The following BACH1 variants were observed in gnomAD, a reference collection of about 807,000 sequenced individuals.
BACH1 encodes the protein BTB domain and CNC homolog 1.
BACH1 carries 35 observed loss-of-function variants against 52.9 expected under a neutral mutation model. That is an observed-to-expected ratio of 0.66 (90% CI 0.51 to 0.88). The LOEUF (loss-of-function observed/expected upper bound fraction) is 0.88. Ranked by LOEUF, BACH1 falls within the 40% of genes least tolerant of loss-of-function variation. The pLI, the probability that BACH1 is intolerant of heterozygous loss-of-function variation, is 0.00. For synonymous variants in BACH1, 321 were observed against 319.6 expected (o/e 1.00, Z -0.05); for missense variants, 808 against 872.6 (o/e 0.93, Z 0.93).
chr21:29,303,455 T>C (rs1047752099), intron 1 of BACH1, among the ~76,000 whole-genome samples: 1 of 152,262 alleles, frequency 6.6e-6, no homozygotes, highest in Admixed American at 6.5e-5. Context: ...GCGTTCATTC[T>C]AGTTCTGTGA....
At chr21:29,347,482 G>GC (rs1335393074), downstream of BACH1, among the ~76,000 whole-genome samples, 1 of 152,198 alleles carries the variant, frequency 6.6e-6, no homozygotes, top group Non-Finnish European at 1.5e-5. Flanking sequence ...GGTGTTTCTT[G>GC]CCCTGGAGAT....
At chr21:29,351,952 AT>A in intron 2 of BACH1, 1 of 325,880 alleles carries the variant, frequency 3.1e-6, no homozygotes, top group South Asian at 2.6e-5. Flanking sequence ...AATTGCAGAA[AT>A]TTAAGCAATG....
rs2088915547 is a variant in BACH1 at position 29,326,663 on chromosome 21, A to G, written c.839A>G (p.Asp280Gly). 6.2e-7 allele frequency: 1 copy of G among 1,614,214 alleles called. No individual in the cohort carries two copies. Among genetic ancestry groups the G allele is most frequent in the Non-Finnish European group, 8.5e-7 (1 of 1,180,036 alleles). The change falls in exon 3 of 5, where the codon GAC becomes GGC. Residue 280 changes from aspartate to glycine, a missense_variant. Physicochemically the swap from Asp to Gly is moderately conservative, Grantham distance 94. Coordinates refer to ENST00000286800, the MANE Select transcript of BACH1 (RefSeq NM_001186.4). ...CRDLQVMLKC[D>G]ESKLAMEPEE... The stretch of plus-strand genomic sequence containing the variant: ...GATTTGCAGGTGATGTTAAAATGTG[A>G]CGAAAGTAAATTAGCAATGGAACCT...
chr21:29,335,279 T>C (rs569057342), intron 4 of BACH1, among the ~76,000 whole-genome samples: 2 of 152,164 alleles, frequency 1.3e-5, no homozygotes, highest in South Asian at 4.2e-4. Flanking sequence ...CACAGCGGGG[T>C]TGATGCAAGG....
At chr21:29,307,926 T>C (rs901072967) in intron 1 of BACH1, among the ~76,000 whole-genome samples, 9 of 152,208 alleles carry the variant, frequency 5.9e-5, no homozygotes, top group Non-Finnish European at 8.8e-5. Context: ...TCAATGGTTG[T>C]TTCTTTTTGA....
At chr21:29,317,625 G>C (rs910461815) in intron 1 of BACH1, among the ~76,000 whole-genome samples, 4 of 152,194 alleles carry the variant, frequency 2.6e-5, no homozygotes, top group African/African-American at 9.7e-5. Flanking sequence ...ACTTGAGGAC[G>C]TGTTAAGGAT....
At chr21:29,346,937 CAGTG>C (rs2089172590), downstream of BACH1, among the ~76,000 whole-genome samples, 1 of 152,138 alleles carries the variant, frequency 6.6e-6, no homozygotes, top group South Asian at 2.1e-4. Flanking sequence ...GAGGTTGTCA[CAGTG>C]AGAGGGAGAA....
In BACH1 at chr21:29,355,024, G is replaced by A. The variant is rs565949085; in HGVS notation, c.472+25331G>A. Among the ~76,000 whole-genome samples the A allele has an allele frequency of 1.3e-3, 200 of 152,276 alleles. 2 individuals are homozygous for A. The highest frequency in any genetic ancestry group is 3.8e-4 in the Non-Finnish European group (26 of 68,024). The stretch of plus-strand genomic sequence containing the variant: ...TTGCAGCAGCAAGATTTATTGTGAA[G>A]AGTGAAAGAAAAAGCTTCCACAGCA... On this transcript the variant is annotated intron_variant, in intron 2 of 4. Transcript: ENST00000422809.
chr21:29,318,542 C>T (rs1466307166), intron 1 of BACH1, among the ~76,000 whole-genome samples: 2 of 152,156 alleles, frequency 1.3e-5, no homozygotes, highest in Non-Finnish European at 2.9e-5. Flanking sequence ...GGCATCTCGC[C>T]CAGGGGCAGC....
chr21:29,341,120 T>G (rs143897390), intron 4 of BACH1, among the ~76,000 whole-genome samples: 75 of 152,330 alleles, frequency 4.9e-4, no homozygotes, highest in Admixed American at 7.2e-4. Flanking sequence ...AATAATTGGA[T>G]TCATACATAA....
At chr21:29,341,149 G>T (rs1195466421) in intron 4 of BACH1, among the ~76,000 whole-genome samples, 2 of 152,114 alleles carry the variant, frequency 1.3e-5, no homozygotes, top group South Asian at 4.1e-4. Flanking sequence ...TAATACTTTT[G>T]TATAAAACCA....
At chr21:29,323,264 G>A (rs1231990780) in intron 2 of BACH1, among the ~76,000 whole-genome samples, 1 of 152,178 alleles carries the variant, frequency 6.6e-6, no homozygotes, top group Non-Finnish European at 1.5e-5. Flanking sequence ...TTCACAAGGT[G>A]AAGGCCCATT....
chr21:29,332,100 T>A (rs2088990960), intron 4 of BACH1, among the ~76,000 whole-genome samples: 1 of 151,992 alleles, frequency 6.6e-6, no homozygotes, highest in African/African-American at 2.4e-5. Context: ...ACCCAACTAA[T>A]TTTTTGTATT....
intron 1 of BACH1, among the ~76,000 whole-genome samples, chr21:29,317,891 A>G (rs1401203833): frequency 2.6e-5 from 4 of 152,122 alleles, no homozygotes; most frequent in Non-Finnish European, 5.9e-5. Context: ...GGGAACCGAG[A>G]CAGTGAGGTT....
intron 1 of BACH1, among the ~76,000 whole-genome samples, chr21:29,316,555 G>A (rs978531883): frequency 4.6e-5 from 7 of 152,216 alleles, no homozygotes; most frequent in Non-Finnish European, 8.8e-5. Context: ...TTAGGTTTGA[G>A]AAATGTTAGA....
rs570535505 is a variant in BACH1 at position 29,344,878 on chromosome 21, T to C, written c.*2045T>C. 5.2e-5 allele frequency: 8 copies of C among 152,730 alleles called. No homozygotes were observed. The highest frequency in any genetic ancestry group is 7.4e-5 in the Non-Finnish European group (5 of 68,008). The allele number at this position is 152,730 out of a possible 1,614,324, so 9.5% of individuals were successfully genotyped here. A position where few individuals can be genotyped will look rare whatever the true frequency, so the allele number is the denominator to read the frequency against. ...GTGTATGTGCAAATGTCAAATAATC[T>C]TTTGCTTTAATTGCTACTGTACTTG... On this transcript the variant is annotated 3_prime_UTR_variant, in exon 5 of 5. Coordinates refer to ENST00000286800, the MANE Select transcript of BACH1 (RefSeq NM_001186.4).
At chr21:29,318,460 G>A (rs2088812855) in intron 1 of BACH1, among the ~76,000 whole-genome samples, 1 of 152,202 alleles carries the variant, frequency 6.6e-6, no homozygotes, top group South Asian at 2.1e-4. Flanking sequence ...TCTTAGAGGG[G>A]TCCTCCTGGA....
At chr21:29,318,951 C>T (rs2088818338) in intron 1 of BACH1, among the ~76,000 whole-genome samples, 1 of 152,092 alleles carries the variant, frequency 6.6e-6, no homozygotes. Flanking sequence ...TCAGCTAGTA[C>T]TAACTGGAGA....
downstream of BACH1, among the ~76,000 whole-genome samples, chr21:29,349,584 A>G (rs754788363): frequency 1.3e-5 from 2 of 151,992 alleles, no homozygotes; most frequent in Non-Finnish European, 2.9e-5. Context: ...GTGTGGAGGG[A>G]ATTTCTGCCA....
Sources: allele counts gnomAD v4.1 joint callset (sites outside exome capture counted in the v4.1 genomes callset), GRCh38; gene constraint gnomAD v4.1.1; transcripts MANE v1.5; gene names NCBI Gene and HGNC (gene_info 2026-07-23, HGNC 2026-07-21).